The following ZMAT4 variants were observed in gnomAD, a reference collection of about 807,000 sequenced individuals.
ZMAT4 encodes zinc finger matrin-type 4.
ZMAT4 carries 17 observed loss-of-function variants against 28.7 expected under a neutral mutation model. The observed-to-expected ratio is 0.59, with a 90% confidence interval of 0.41 to 0.89. ZMAT4 has a LOEUF of 0.89. Among genes scored for constraint, ZMAT4 ranks in the 40% least tolerant of loss-of-function variants. The pLI is 0.00. For synonymous variants in ZMAT4, 117 were observed against 109.2 expected (o/e 1.07, Z -0.44); for missense variants, 240 against 283.8 (o/e 0.85, Z 1.11).
intron 3 of ZMAT4, among the ~76,000 whole-genome samples, chr8:40,761,704 A>T (rs28550016): frequency 5.9e-5 from 9 of 152,060 alleles, no homozygotes; most frequent in South Asian, 2.1e-4. Context: ...GTAGAAGCTC[A>T]GTAGAAATTG....
intron 5 of ZMAT4, among the ~76,000 whole-genome samples, chr8:40,621,711 G>A (rs1806205545): frequency 6.6e-6 from 1 of 152,134 alleles, no homozygotes; most frequent in Non-Finnish European, 1.5e-5. Flanking sequence ...ATGGAGTGGG[G>A]AATCAGGAAA....
At position 40,875,616 on chromosome 8, in the gene ZMAT4, T is replaced by C. The variant is rs372093044; in HGVS notation, c.-5+22067A>G. Among the ~76,000 whole-genome samples, 16 of 152,116 alleles carry C rather than the reference T, an allele frequency of 1.1e-4. No homozygotes were observed. In the East Asian group the frequency reaches 2.5e-3, roughly 24 times the overall value. ...TGGGGTGTGGTATCTTCATGGGCCA[T>C]GGGGGTGGTGGGTGTGTGAACTGAC... On this transcript the variant is annotated intron_variant, in intron 1 of 6. Transcript: ENST00000297737.
rs1203626131 is a variant in ZMAT4, at chr8:40,670,796, T to A, written c.577+3908A>T. ...TTAAAAAGTACTTGACGGCAGGGTG[T>A]GGTGGCTCACACCTGTAATCCCAGC... On this transcript the variant is annotated intron_variant, in intron 5 of 6. Coordinates refer to ENST00000297737, the MANE Select transcript of ZMAT4 (RefSeq NM_024645.3). Among the ~76,000 whole-genome samples, 3 of 151,998 alleles carry A rather than the reference T, an allele frequency of 2.0e-5. No individual in the cohort carries two copies. The East Asian group carries it at 5.8e-4, about 29-fold the overall frequency.
intron 6 of ZMAT4, among the ~76,000 whole-genome samples, chr8:40,558,016 T>C (rs1259622960): frequency 2.6e-5 from 4 of 152,116 alleles, no homozygotes; most frequent in African/African-American, 9.7e-5. Context: ...GGGCTAGTCA[T>C]GTGATGACTG....
intron 4 of ZMAT4, among the ~76,000 whole-genome samples, chr8:40,679,435 T>C (rs1809053924): frequency 6.6e-6 from 1 of 152,154 alleles, no homozygotes. Context: ...TAACTCATAG[T>C]TCCACAGGGC....
At chr8:40,639,762 T>C (rs1806939511) in intron 5 of ZMAT4, among the ~76,000 whole-genome samples, 1 of 114,434 alleles carries the variant, frequency 8.7e-6, no homozygotes. Flanking sequence ...CAAAATTAAG[T>C]CCTTTTGTTA....
chr8:40,752,351 G>C (rs1372903624), intron 3 of ZMAT4, among the ~76,000 whole-genome samples: 1 of 152,158 alleles, frequency 6.6e-6, no homozygotes, highest in East Asian at 1.9e-4. Context: ...CATCAGAGAA[G>C]GAGAAAGTCT....
intron 4 of ZMAT4, among the ~76,000 whole-genome samples, chr8:40,681,260 T>C (rs1191056156): frequency 6.6e-6 from 1 of 152,240 alleles, no homozygotes; most frequent in Non-Finnish European, 1.5e-5. Context: ...AGATTAATTC[T>C]AGAATCAAAA....
chr8:40,558,241 T>C (rs1012406053), intron 6 of ZMAT4, among the ~76,000 whole-genome samples: 1 of 152,138 alleles, frequency 6.6e-6, no homozygotes, highest in Admixed American at 6.5e-5. Context: ...AATCCTCTTC[T>C]GAGTACAATG....
intron 2 of ZMAT4, among the ~76,000 whole-genome samples, chr8:40,774,867 A>C (rs1289999160): frequency 6.6e-6 from 1 of 152,082 alleles, no homozygotes; most frequent in Non-Finnish European, 1.5e-5. Flanking sequence ...CTTTTTTGAA[A>C]TTTTAGATTA....
intron 4 of ZMAT4, among the ~76,000 whole-genome samples, chr8:40,679,178 G>A (rs920623553): frequency 1.3e-5 from 2 of 152,110 alleles, no homozygotes; most frequent in African/African-American, 4.8e-5. Context: ...TTAGTACCTT[G>A]TGCAAGATTT....
At chr8:40,812,030 C>T (rs1165840273) in intron 2 of ZMAT4, among the ~76,000 whole-genome samples, 1 of 152,156 alleles carries the variant, frequency 6.6e-6, no homozygotes, top group African/African-American at 2.4e-5. Context: ...ACTCAGGAGG[C>T]TGAGGCAGGA....
intron 5 of ZMAT4, among the ~76,000 whole-genome samples, chr8:40,639,194 TG>T (rs112293516): frequency 6.6e-6 from 1 of 151,914 alleles, no homozygotes; most frequent in Admixed American, 6.5e-5. Flanking sequence ...TCAGCTTTGC[TG>T]GTTTTTTTTA....
chr8:40,887,914 C>T (rs1049425793), intron 1 of ZMAT4, among the ~76,000 whole-genome samples: 2 of 152,184 alleles, frequency 1.3e-5, no homozygotes, highest in Non-Finnish European at 2.9e-5. Context: ...TGAGGAGCCA[C>T]ACAAAGTTCA....
intron 5 of ZMAT4, among the ~76,000 whole-genome samples, chr8:40,601,556 AAAGAAAG>A (rs1222724844): frequency 7.2e-6 from 1 of 139,796 alleles, no homozygotes; most frequent in Admixed American, 7.6e-5. Context: ...AGTGAGAAAG[AAAGAAAG>A]AAGAAAGAAA....
At chr8:40,600,331 T>C (rs774362294) in intron 5 of ZMAT4, among the ~76,000 whole-genome samples, 12 of 152,204 alleles carry the variant, frequency 7.9e-5, no homozygotes, top group Non-Finnish European at 1.8e-4. Flanking sequence ...TCTCTTGCAA[T>C]CAGATATTCT....
At chr8:40,771,167 C>T (rs1813374621) in intron 2 of ZMAT4, among the ~76,000 whole-genome samples, 1 of 151,494 alleles carries the variant, frequency 6.6e-6, no homozygotes, top group South Asian at 2.1e-4. Flanking sequence ...TATATATACA[C>T]ACACACTCAC....
At chr8:40,740,285 A>G (rs367709681) in intron 3 of ZMAT4, among the ~76,000 whole-genome samples, 1 of 152,114 alleles carries the variant, frequency 6.6e-6, no homozygotes. Flanking sequence ...ATTTCTCCAA[A>G]TCTTCTCCAG....
intron 6 of ZMAT4, among the ~76,000 whole-genome samples, chr8:40,568,455 C>T (rs1803991745): frequency 6.6e-6 from 1 of 152,112 alleles, no homozygotes; most frequent in Admixed American, 6.6e-5. Flanking sequence ...CCTGAGCAGG[C>T]CGGAACTTTG....
Sources: allele counts gnomAD v4.1 joint callset (sites outside exome capture counted in the v4.1 genomes callset), GRCh38; gene constraint gnomAD v4.1.1; transcripts MANE v1.5; gene names NCBI Gene and HGNC (gene_info 2026-07-23, HGNC 2026-07-21).